The following POTEE variants were observed in gnomAD, a reference collection of about 807,000 sequenced individuals.
POTEE encodes POTE ankyrin domain family member E, also known as ANKRD26-like family C member 1A.
In POTEE, 21 loss-of-function variants were observed where a neutral mutation model predicts 74.2. The observed-to-expected ratio is 0.28, with a 90% CI of 0.20 to 0.41. The LOEUF (loss-of-function observed/expected upper bound fraction) is 0.41, where lower values mean the gene tolerates loss of function less well. Among genes scored for constraint, POTEE ranks in the 10% least tolerant of loss-of-function variants. The probability of loss-of-function intolerance (pLI) is 1.00; values close to 1 mark genes in which losing one functional copy is unlikely to be tolerated. For synonymous variants in POTEE, 211 were observed against 432.8 expected (o/e 0.49, Z 6.36); for missense variants, 525 against 1,158.6 (o/e 0.45, Z 7.94).
chr2:131,233,236 T>G (rs140051807), intron 9 of POTEE, among the ~76,000 whole-genome samples: 5,686 of 151,476 alleles, frequency 0.038, 378 homozygotes, highest in African/African-American at 0.13. Flanking sequence ...AAATGGCCAG[T>G]TGGGCAATAT....
At position 131,209,786 on chromosome 2, in the gene POTEE, G is replaced by C. The variant is rs1379805076; in HGVS notation, c.-378G>C. ...TTTGGTGGTGACGTGGGACACTGCAGCTCGGCCAGAGTGGTAGAAATGTCC... is the reference window on the plus strand; with the variant it reads ...TTTGGTGGTGACGTGGGACACTGCACCTCGGCCAGAGTGGTAGAAATGTCC... On this transcript the variant is annotated 5_prime_UTR_variant, in exon 1 of 18. Coordinates refer to ENST00000683005, the MANE Select transcript of POTEE (RefSeq NM_001083538.3). Among the ~76,000 whole-genome samples, 1 of 152,188 alleles carries C rather than the reference G, an allele frequency of 6.6e-6. No homozygotes were observed. The highest frequency in any genetic ancestry group is 2.4e-5 in the African/African-American group (1 of 41,450).
chr2:131,217,761 CCGCACGCGCACGCCGCACG>C (rs1224798023), intron 3 of POTEE, among the ~76,000 whole-genome samples, 78 bp downstream of exon 3: 396 of 12,696 alleles, frequency 0.031, 2 homozygotes, highest in East Asian at 0.066. Flanking sequence ...ACGCCGCACG[CCGCACGCGCACGCCGCACG>C]CGCACGCGCA....
intron 1 of POTEE, among the ~76,000 whole-genome samples, 124 bp downstream of exon 1, chr2:131,209,943 C>A (rs1436515243): frequency 3.8e-4 from 52 of 137,310 alleles, no homozygotes; most frequent in African/African-American, 1.3e-3. Flanking sequence ...TCCGAGGTTG[C>A]ATTGCTGGCG....
intron 16 of POTEE, among the ~76,000 whole-genome samples, chr2:131,258,486 A>T (rs1471790785): frequency 1.4e-5 from 2 of 142,526 alleles, no homozygotes; most frequent in African/African-American, 2.6e-5. Context: ...CAGTTCATGT[A>T]TGTATGTGAT....
intron 9 of POTEE, among the ~76,000 whole-genome samples, chr2:131,233,908 A>C (rs537886034): frequency 0.018 from 2,501 of 141,796 alleles, 23 homozygotes; most frequent in Non-Finnish European, 0.027. Context: ...TGGTGAATAC[A>C]GAAGAGCAAA....
At chr2:131,221,901 C>A (rs1344267215) in intron 4 of POTEE, among the ~76,000 whole-genome samples, 2 of 152,232 alleles carry the variant, frequency 1.3e-5, no homozygotes, top group Non-Finnish European at 2.9e-5. Flanking sequence ...TTCTTTCAAT[C>A]CATTTAGTCA....
At chr2:131,256,867 G>A (rs1213982096) in intron 16 of POTEE, among the ~76,000 whole-genome samples, 4 of 152,304 alleles carry the variant, frequency 2.6e-5, no homozygotes, top group Non-Finnish European at 5.9e-5. Flanking sequence ...ATCAGGACGC[G>A]TCAGGCTTGA....
rs748165198 is a variant in POTEE, at chr2:131,230,876, C to G, written c.1096C>G (p.Leu366Val). ...LLSDYKEKQM[L>V]KISSENSNPE... ...TTCTGACTACAAAGAAAAACAGATG[C>G]TAAAAATCTCTTCTGAAAACAGCAA... Residue 366 changes from leucine to valine, a missense_variant, in exon 9 of 18, where the codon CTA becomes GTA. Physicochemically the swap from Leu to Val is conservative, Grantham distance 32. Transcript: ENST00000683005. The G allele has an allele frequency of 1.3e-6, 2 of 1,502,420 alleles. No individual in the cohort carries two copies. The highest frequency in any genetic ancestry group is 1.8e-6 in the Non-Finnish European group (2 of 1,105,190). The allele number at this position is 1,502,420 out of a possible 1,614,324, so 93.1% of individuals were successfully genotyped here.
chr2:131,221,140 A>G (rs1176334429), intron 4 of POTEE, among the ~76,000 whole-genome samples: 1 of 152,154 alleles, frequency 6.6e-6, no homozygotes, highest in South Asian at 2.1e-4. Context: ...TTACTCATCA[A>G]TTCCATTATA....
At chr2:131,214,436 C>G (rs542690049) in intron 2 of POTEE, among the ~76,000 whole-genome samples, 1 of 152,356 alleles carries the variant, frequency 6.6e-6, no homozygotes, top group East Asian at 1.9e-4. Context: ...AAATACAGGA[C>G]AGGTCAGATA....
At chr2:131,236,226 A>G (rs566984585) in intron 9 of POTEE, among the ~76,000 whole-genome samples, 5 of 152,072 alleles carry the variant, frequency 3.3e-5, no homozygotes, top group Non-Finnish European at 7.4e-5. Flanking sequence ...GGGGAAGGGG[A>G]GACAGTAAAG....
intron 1 of POTEE, among the ~76,000 whole-genome samples, 176 bp downstream of exon 1, chr2:131,209,995 GC>G (rs1449995084): frequency 5.4e-5 from 6 of 110,474 alleles, no homozygotes; most frequent in African/African-American, 2.2e-4. Flanking sequence ...GGGCTACACT[GC>G]CCGTGGTGGC....
chr2:131,238,245 CT>C lies in POTEE; in HGVS notation c.1242+9del. ...TAAGGATGGTGATAGAGAGGTATAC[CT>C]TCATATTCAAATGTTTCTGTTGAAT... On this transcript the variant is annotated splice_region_variant and intron_variant, in intron 11 of 17. Transcript: ENST00000683005. The C allele has an allele frequency of 6.4e-7, 1 of 1,569,778 alleles. No homozygotes were observed. Among genetic ancestry groups the C allele is most frequent in the Non-Finnish European group, 8.6e-7 (1 of 1,163,698 alleles).
intron 9 of POTEE, among the ~76,000 whole-genome samples, chr2:131,233,530 T>TA (rs1701030325): frequency 6.6e-6 from 1 of 150,416 alleles, no homozygotes; most frequent in South Asian, 2.1e-4. Context: ...ATCAATGTAT[T>TA]ACAAGGTTTT....
intron 6 of POTEE, among the ~76,000 whole-genome samples, chr2:131,225,013 A>C (rs1038686013): frequency 2.0e-5 from 3 of 152,146 alleles, no homozygotes; most frequent in Admixed American, 6.5e-5. Flanking sequence ...TGGTGTTTTC[A>C]GCAAATGGGC....
intron 2 of POTEE, among the ~76,000 whole-genome samples, chr2:131,211,788 C>T (rs1308925375): frequency 6.6e-6 from 1 of 151,328 alleles, no homozygotes; most frequent in Non-Finnish European, 1.5e-5. Context: ...GATCACCTGA[C>T]CTCATGATCC....
chr2:131,264,106 A>G lies in POTEE; in HGVS notation c.2651A>G (p.Glu884Gly). ...ATLRLDLAGRELPDYLMKILT... is the reference protein window; with the variant it reads ...ATLRLDLAGRGLPDYLMKILT... ...CTGCGCCTAGACCTGGCTGGGCGGG[A>G]ACTGCCTGACTACCTCATGAAGATC... Residue 884 changes from glutamate (E) to glycine (G), a missense_variant, in exon 18 of 18, where the codon GAA (glutamate) becomes GGA (glycine). Transcript: ENST00000683005. The G allele has an allele frequency of 6.2e-7, 1 of 1,614,244 alleles. No individual in the cohort carries two copies. Among genetic ancestry groups the G allele is most frequent in the South Asian group, 1.1e-5 (1 of 91,080 alleles).
chr2:131,223,530 A>G, intron 4 of POTEE, 66 bp from the exon 5 acceptor site: 1 of 1,599,578 alleles, frequency 6.3e-7, no homozygotes, highest in Non-Finnish European at 8.5e-7. Flanking sequence ...TTGCAGTTAC[A>G]TGAATCATTG....
At position 131,251,206 on chromosome 2, in the gene POTEE, A is replaced by C. The variant is rs1308478607; in HGVS notation, c.1551+358A>C. ...CATGAACCCAGGAGAGGGAGCTTGCAGTGAGCCGACATCCACCACTACACT... is the reference window on the plus strand; with the variant it reads ...CATGAACCCAGGAGAGGGAGCTTGCCGTGAGCCGACATCCACCACTACACT... On this transcript the variant is annotated intron_variant, in intron 14 of 17. Coordinates refer to ENST00000683005, the MANE Select transcript of POTEE (RefSeq NM_001083538.3). 2.3e-4 allele frequency among the ~76,000 whole-genome samples: 3 copies of C among 12,908 alleles called. 1 individual carries two copies. In the East Asian group the frequency reaches 0.01, roughly 44 times the overall value. The allele number at this position is 12,908 out of a possible 152,430, so 8.5% of individuals were successfully genotyped here. A position where few individuals can be genotyped will look rare whatever the true frequency, so the allele number is the denominator to read the frequency against.
Sources: gnomAD v4.1 joint callset for allele counts (sites outside exome capture counted in the v4.1 genomes callset) on GRCh38, gnomAD v4.1.1 for gene constraint, MANE v1.5 for transcripts, NCBI Gene and HGNC (gene_info 2026-07-23, HGNC 2026-07-21) for gene names.